IGFL2: variants seen among roughly 807,000 people sequenced by gnomAD.
The protein encoded by IGFL2 is insulin growth factor-like family member 2.
Under a neutral mutation model 13.9 loss-of-function variants are expected in IGFL2, and 7 were observed. The ratio of observed to expected loss-of-function variants is 0.51; its 90% CI spans 0.29 to 0.95. IGFL2 has a LOEUF of 0.95. Ranked by LOEUF, IGFL2 falls within the 40% of genes least tolerant of loss-of-function variation. The pLI, the probability that IGFL2 is intolerant of heterozygous loss-of-function variation, is 0.08. For missense variants in IGFL2, 138 were observed against 147.8 expected, an observed-to-expected ratio of 0.93 and a Z score of 0.34; for synonymous variants, 55 against 55.8, an observed-to-expected ratio of 0.99 and a Z score of 0.07.
At chr19:46,136,876 T>C in the IGFL2 span, 6 of 762,684 alleles carry the variant, frequency 7.9e-6, no homozygotes, top group Admixed American at 3.4e-5. Context: ...AAAAGACTAC[T>C]CTGTGTATTG....
chr19:46,095,048 A>G, the IGFL2 span, among the ~76,000 whole-genome samples: 21 of 152,334 alleles, frequency 1.4e-4, no homozygotes, highest in East Asian at 3.7e-3. Flanking sequence ...TATACCCAGT[A>G]ATGGGAATGC....
chr19:46,124,720 T>A, the IGFL2 span: 2 of 1,322,934 alleles, frequency 1.5e-6, no homozygotes, highest in Non-Finnish European at 2.2e-6. Context: ...ACAGCCTAAA[T>A]GGGGTTGTCT....
the IGFL2 span, chr19:46,196,754 C>T: frequency 6.6e-6 from 1 of 152,664 alleles, no homozygotes; most frequent in Non-Finnish European, 1.5e-5. Flanking sequence ...CCTCGAGCTC[C>T]AGTCAGGACA....
the IGFL2 span, among the ~76,000 whole-genome samples, chr19:46,193,166 T>A: frequency 0.048 from 7,333 of 152,134 alleles, 263 homozygotes; most frequent in Non-Finnish European, 0.079. Context: ...CACTCCAGCC[T>A]GGGGGACAGA....
At chr19:46,100,513 G>A in the IGFL2 span, among the ~76,000 whole-genome samples, 1 of 152,156 alleles carries the variant, frequency 6.6e-6, no homozygotes, top group African/African-American at 2.4e-5. Context: ...AAAATGTGGG[G>A]AATCAGCATT....
the IGFL2 span, chr19:46,207,894 T>C: frequency 7.9e-5 from 12 of 152,366 alleles, no homozygotes; most frequent in South Asian, 4.1e-4. Context: ...ATTGGCAGCA[T>C]TTGTGAGTTA....
the IGFL2 span, chr19:46,120,284 G>A: frequency 6.8e-5 from 109 of 1,609,254 alleles, 5 homozygotes; most frequent in Middle Eastern, 8.4e-4. Flanking sequence ...CAGCTGCTTC[G>A]TCTCTTCTCC....
the IGFL2 span, among the ~76,000 whole-genome samples, chr19:46,183,149 G>A: frequency 6.2e-4 from 95 of 152,224 alleles, no homozygotes; most frequent in African/African-American, 2.0e-3. Flanking sequence ...AAGGCATGTC[G>A]TACATGGCAG....
At chr19:46,180,844 A>G in the IGFL2 span, among the ~76,000 whole-genome samples, 1 of 152,208 alleles carries the variant, frequency 6.6e-6, no homozygotes, top group African/African-American at 2.4e-5. Context: ...CCAGCACAGA[A>G]GAAAGATGAA....
At chr19:46,136,092 C>G in the IGFL2 span, among the ~76,000 whole-genome samples, 1 of 152,130 alleles carries the variant, frequency 6.6e-6, no homozygotes, top group African/African-American at 2.4e-5. Flanking sequence ...TATAGTATCT[C>G]AGAGGAGTTA....
intron 1 of IGFL2, chr19:46,159,537 T>A (rs1367245188): frequency 1.3e-5 from 2 of 152,224 alleles, no homozygotes; most frequent in Non-Finnish European, 2.9e-5. Flanking sequence ...CCTCTTATTT[T>A]GCTCACATAA....
chr19:46,213,997 C>G, the IGFL2 span: 1 of 152,542 alleles, frequency 6.6e-6, no homozygotes, highest in Non-Finnish European at 1.5e-5. Context: ...TGTAGGCGCT[C>G]AAGGCACCGC....
chr19:46,177,035 A>T, the IGFL2 span, among the ~76,000 whole-genome samples: 15,144 of 152,058 alleles, frequency 0.1, 1,078 homozygotes, highest in African/African-American at 0.2. Context: ...GGTTTTGCTC[A>T]TTCTTCAATC....
chr19:46,092,359 A>G, the IGFL2 span, among the ~76,000 whole-genome samples: 8 of 151,808 alleles, frequency 5.3e-5, no homozygotes, highest in Non-Finnish European at 1.0e-4. Context: ...GGCCAGCCAC[A>G]GTGGCTCACA....
chr19:46,154,063 C>CACTT (rs1227761911), intron 1 of IGFL2, among the ~76,000 whole-genome samples: 1 of 152,082 alleles, frequency 6.6e-6, no homozygotes, highest in East Asian at 1.9e-4. Flanking sequence ...GTTCAACTCT[C>CACTT]ACTTCTGAGT....
chr19:46,154,008 C>A (rs1973667476), intron 1 of IGFL2, among the ~76,000 whole-genome samples: 1 of 151,902 alleles, frequency 6.6e-6, no homozygotes, highest in South Asian at 2.1e-4. Flanking sequence ...CCCTGACAGG[C>A]CCCTGGGTGT....
chr19:46,188,992 C>T, the IGFL2 span, among the ~76,000 whole-genome samples: 785 of 151,970 alleles, frequency 5.2e-3, 5 homozygotes, highest in African/African-American at 0.018. Context: ...TGTGCGGAGA[C>T]GAGAGATCAT....
At chr19:46,162,411 TC>T (rs1356089422), downstream of IGFL2, among the ~76,000 whole-genome samples, 4 of 152,366 alleles carry the variant, frequency 2.6e-5, no homozygotes, top group East Asian at 7.7e-4. Flanking sequence ...TTTCTCCCTC[TC>T]CCTTTCAGGG....
chr19:46,084,505 G>C, the IGFL2 span, among the ~76,000 whole-genome samples: 2,048 of 152,160 alleles, frequency 0.013, 32 homozygotes, highest in Middle Eastern at 0.027. Context: ...TAAAGAAATA[G>C]CTGAGACTGG....
Sources: gnomAD v4.1 joint callset for allele counts (sites outside exome capture counted in the v4.1 genomes callset) on GRCh38, gnomAD v4.1.1 for gene constraint, MANE v1.5 for transcripts, NCBI Gene and HGNC (gene_info 2026-07-23, HGNC 2026-07-21) for gene names.